Variants in WIPF1 observed in about 807,000 individuals in gnomAD.
WIPF1 encodes WAS/WASL interacting protein family member 1.
In WIPF1, 13 loss-of-function variants were observed where a neutral mutation model predicts 35.4. The ratio of observed to expected loss-of-function variants is 0.37; its 90% CI spans 0.24 to 0.58. The LOEUF is 0.58. Among genes scored for constraint, WIPF1 ranks in the 20% least tolerant of loss-of-function variants. The probability of loss-of-function intolerance (pLI) is 0.74; values close to 1 mark genes in which losing one functional copy is unlikely to be tolerated. For synonymous variants in WIPF1, 267 were observed against 266.3 expected, an observed-to-expected ratio of 1.00 and a Z score of -0.02; for missense variants, 591 against 667.0, an observed-to-expected ratio of 0.89 and a Z score of 1.25.
intron 1 of WIPF1, among the ~76,000 whole-genome samples, chr2:174,627,577 G>A (rs1686887078): frequency 7.6e-6 from 1 of 131,020 alleles, no homozygotes; most frequent in Non-Finnish European, 1.5e-5. Flanking sequence ...GTCTTCCTCT[G>A]TTACCCAGGC....
At chr2:174,608,774 C>T (rs1686253114) in intron 1 of WIPF1, among the ~76,000 whole-genome samples, 1 of 152,192 alleles carries the variant, frequency 6.6e-6, no homozygotes, top group Non-Finnish European at 1.5e-5. Flanking sequence ...GTATAAAGGC[C>T]AGAATGGGCC....
intron 7 of WIPF1, among the ~76,000 whole-genome samples, chr2:174,562,976 TC>T (rs1296958175): frequency 2.0e-5 from 3 of 152,154 alleles, no homozygotes; most frequent in African/African-American, 7.2e-5. Flanking sequence ...TAGAAACAGT[TC>T]CCCGTTTTCT....
At chr2:174,635,856 G>A (rs371470945) in intron 1 of WIPF1, among the ~76,000 whole-genome samples, 4 of 152,070 alleles carry the variant, frequency 2.6e-5, no homozygotes, top group African/African-American at 4.8e-5. Flanking sequence ...GGAGAATACC[G>A]AGTAAGGAAA....
intron 1 of WIPF1, among the ~76,000 whole-genome samples, chr2:174,589,629 AT>A (rs1328111567): frequency 8.1e-5 from 11 of 136,356 alleles, no homozygotes; most frequent in Non-Finnish European, 1.9e-4. Flanking sequence ...ATGAACTTGT[AT>A]GAAAAAAAAG....
intron 1 of WIPF1, among the ~76,000 whole-genome samples, chr2:174,649,578 A>C (rs1687488854): frequency 6.6e-6 from 1 of 152,116 alleles, no homozygotes; most frequent in Non-Finnish European, 1.5e-5. Flanking sequence ...TTCCCAAGGA[A>C]ACCCCAATAA....
chr2:174,588,146 G>A (rs921852094), intron 1 of WIPF1, among the ~76,000 whole-genome samples: 1 of 152,172 alleles, frequency 6.6e-6, no homozygotes, highest in South Asian at 2.1e-4. Flanking sequence ...TGACTACTGC[G>A]AAAGATGCTG....
intron 1 of WIPF1, among the ~76,000 whole-genome samples, chr2:174,631,529 G>T (rs796081518): frequency 1.3e-5 from 2 of 152,288 alleles, no homozygotes; most frequent in African/African-American, 4.8e-5. Flanking sequence ...GAGTTCTGGA[G>T]ATTGGTTGCA....
At chr2:174,565,442 C>G (rs759583272) in intron 7 of WIPF1, among the ~76,000 whole-genome samples, 1 of 152,170 alleles carries the variant, frequency 6.6e-6, no homozygotes, top group Non-Finnish European at 1.5e-5. Flanking sequence ...TAATTTAATT[C>G]CATTTAACCC....
chr2:174,634,919 G>C (rs1687140342), intron 1 of WIPF1, among the ~76,000 whole-genome samples: 1 of 152,204 alleles, frequency 6.6e-6, no homozygotes, highest in African/African-American at 2.4e-5. Context: ...AGCGCTCACA[G>C]AGGAGCCTGG....
intron 1 of WIPF1, among the ~76,000 whole-genome samples, chr2:174,605,233 G>A (rs1379474875): frequency 6.6e-6 from 1 of 152,120 alleles, no homozygotes; most frequent in Non-Finnish European, 1.5e-5. Flanking sequence ...AGGAGTTCGA[G>A]ACCAATCTGA....
At chr2:174,631,152 A>G (rs376877335) in intron 1 of WIPF1, among the ~76,000 whole-genome samples, 72 of 152,362 alleles carry the variant, frequency 4.7e-4, no homozygotes, top group South Asian at 1.2e-3. Flanking sequence ...CAGGATCTCA[A>G]AGATATGTGC....
intron 6 of WIPF1, among the ~76,000 whole-genome samples, 168 bp downstream of exon 6, chr2:174,567,693 A>T (rs1684704538): frequency 6.6e-6 from 1 of 152,240 alleles, no homozygotes; most frequent in Non-Finnish European, 1.5e-5. Flanking sequence ...TACTATTTTT[A>T]ATTTGAAATC....
intron 1 of WIPF1, among the ~76,000 whole-genome samples, chr2:174,610,971 G>C (rs902770620): frequency 3.3e-5 from 5 of 152,182 alleles, no homozygotes; most frequent in African/African-American, 1.2e-4. Flanking sequence ...TCTAGAAATA[G>C]AAGTGTTTTA....
intron 1 of WIPF1, chr2:174,656,244 T>C (rs937772953): frequency 1.2e-4 from 19 of 152,214 alleles, no homozygotes; most frequent in African/African-American, 4.6e-4. Flanking sequence ...GCTGAGCCCA[T>C]CCAAGAGTGC....
chr2:174,676,859 G>A (rs1400973147), intron 1 of WIPF1, among the ~76,000 whole-genome samples: 2 of 151,950 alleles, frequency 1.3e-5, no homozygotes, highest in Non-Finnish European at 2.9e-5. Flanking sequence ...TTATGTATAA[G>A]AATTTTAAAA....
In WIPF1 at chr2:174,562,355, A is replaced by G; in HGVS notation, c.*192T>C. 1.3e-6 allele frequency: 2 copies of G among 1,481,678 alleles called. No homozygotes were observed. Among genetic ancestry groups the G allele is most frequent in the Non-Finnish European group, 1.8e-6 (2 of 1,115,062 alleles). The allele number at this position is 1,481,678 out of a possible 1,614,324, so 91.8% of individuals were successfully genotyped here. A position where few individuals can be genotyped will look rare whatever the true frequency, so the allele number is the denominator to read the frequency against. Reference sequence around the variant, plus strand: ...GCTGAAGCAAGCAATAGCCTGGAGAATAAACACAATATGAAAAGCTAGGTG... The same window carrying G: ...GCTGAAGCAAGCAATAGCCTGGAGAGTAAACACAATATGAAAAGCTAGGTG... On this transcript the variant is annotated 3_prime_UTR_variant, in exon 8 of 8. Transcript: ENST00000679041.
intron 1 of WIPF1, among the ~76,000 whole-genome samples, chr2:174,591,014 G>T (rs1417338070): frequency 6.6e-6 from 1 of 152,198 alleles, no homozygotes; most frequent in South Asian, 2.1e-4. Flanking sequence ...TTTGGAGATA[G>T]GGTCTTTAAA....
rs570760606 is a variant in WIPF1 at position 174,680,334 on chromosome 2, A to G, written c.-39+2440T>C. Among the ~76,000 whole-genome samples, 8 of 152,266 alleles carry G rather than the reference A, an allele frequency of 5.3e-5. No individual in the cohort carries two copies. In the South Asian group the frequency reaches 1.7e-3, roughly 32 times the overall value. ...TTCGACGTGGGTCCCTGCTAGCCAC[A>G]AGGGATAAATAAGCCTACCAAGCCT... On this transcript the variant is annotated intron_variant, in intron 1 of 8. Coordinates refer to the WIPF1 transcript ENST00000272746.
chr2:174,560,608 G>A lies in WIPF1; in HGVS notation c.*1939C>T, dbSNP rs1237914737. 6.6e-6 allele frequency: 1 copy of A among 152,514 alleles called. No homozygotes were observed. Among genetic ancestry groups the A allele is most frequent in the Non-Finnish European group, 1.5e-5 (1 of 67,986 alleles). 9.4% of individuals were successfully genotyped at this position (152,514 alleles called of 1,614,324 possible). A position where few individuals can be genotyped will look rare whatever the true frequency, so the allele number is the denominator to read the frequency against. On this transcript the variant is annotated 3_prime_UTR_variant, in exon 8 of 8. Transcript: ENST00000679041. Reference sequence around the variant, plus strand: ...TTTTAAAAAGCCAACACTTTGCCAAGCTTGTTATACCTTATTATTTCTTGA... The same window carrying A: ...TTTTAAAAAGCCAACACTTTGCCAAACTTGTTATACCTTATTATTTCTTGA...
Sources: allele counts gnomAD v4.1 joint callset (sites outside exome capture counted in the v4.1 genomes callset), GRCh38; gene constraint gnomAD v4.1.1; transcripts MANE v1.5; gene names NCBI Gene and HGNC (gene_info 2026-07-23, HGNC 2026-07-21).